SERINC5: variants seen among roughly 807,000 people sequenced by gnomAD.
The protein encoded by SERINC5 is serine incorporator 5.
SERINC5 carries 41 observed loss-of-function variants against 63.1 expected under a neutral mutation model. The observed-to-expected ratio is 0.65, with a 90% CI of 0.51 to 0.84. SERINC5 has a LOEUF of 0.84. Ranked by LOEUF, SERINC5 falls within the 40% of genes least tolerant of loss-of-function variation. The pLI is 0.00. For missense variants in SERINC5, 523 were observed against 573.0 expected (o/e 0.91, Z 0.89); for synonymous variants, 222 against 215.2 (o/e 1.03, Z -0.28).
At chr5:80,222,700 G>A (rs1357017569) in intron 1 of SERINC5, among the ~76,000 whole-genome samples, 6 of 151,964 alleles carry the variant, frequency 3.9e-5, no homozygotes, top group Non-Finnish European at 7.4e-5. Context: ...AGCCTCCCAA[G>A]TGGCTGGGAT....
chr5:80,137,160 A>AAAAC (rs1561356094), downstream of SERINC5, among the ~76,000 whole-genome samples: 3,344 of 96,084 alleles, frequency 0.035, 47 homozygotes, highest in Non-Finnish European at 0.05. Flanking sequence ...AAAAAAAAAA[A>AAAAC]AAACAAAAAA....
At chr5:80,133,471 T>G (rs191129545) in intron 11 of SERINC5, among the ~76,000 whole-genome samples, 2 of 152,178 alleles carry the variant, frequency 1.3e-5, no homozygotes, top group African/African-American at 4.8e-5. Context: ...TCATGCAGAG[T>G]GCTGAAAATG....
intron 11 of SERINC5, among the ~76,000 whole-genome samples, chr5:80,121,807 A>G (rs1339934304): frequency 6.6e-6 from 1 of 152,064 alleles, no homozygotes; most frequent in Non-Finnish European, 1.5e-5. Context: ...AGAGAGGGGG[A>G]GGAGATGCCA....
At chr5:80,137,436 C>T (rs990286962), downstream of SERINC5, among the ~76,000 whole-genome samples, 7 of 150,032 alleles carry the variant, frequency 4.7e-5, no homozygotes, top group African/African-American at 7.4e-5. Context: ...GTCAGGAGTT[C>T]GAGACCAGCC....
chr5:80,124,445 T>C (rs755655413), intron 11 of SERINC5, among the ~76,000 whole-genome samples: 15 of 152,208 alleles, frequency 9.9e-5, no homozygotes, highest in African/African-American at 3.1e-4. Context: ...AACCTCTCTA[T>C]AGTAGGCTTT....
chr5:80,218,638 G>T (rs1339013533), intron 1 of SERINC5, among the ~76,000 whole-genome samples: 2 of 150,602 alleles, frequency 1.3e-5, no homozygotes, highest in Non-Finnish European at 2.9e-5. Context: ...TCACGCCATT[G>T]CACTCCAGCC....
intron 11 of SERINC5, among the ~76,000 whole-genome samples, chr5:80,115,146 C>T (rs1390478332): frequency 6.6e-6 from 1 of 152,022 alleles, no homozygotes; most frequent in Non-Finnish European, 1.5e-5. Flanking sequence ...ACTATAGCGA[C>T]TGCTTTTACT....
downstream of SERINC5, among the ~76,000 whole-genome samples, chr5:80,111,238 G>T (rs1452676027): frequency 3.3e-5 from 5 of 152,192 alleles, no homozygotes; most frequent in Admixed American, 3.3e-4. Flanking sequence ...GAATTGAGGA[G>T]TCCTTTATTA....
intron 11 of SERINC5, among the ~76,000 whole-genome samples, chr5:80,128,748 A>G (rs1428248279): frequency 1.3e-5 from 2 of 152,216 alleles, no homozygotes; most frequent in East Asian, 3.8e-4. Context: ...TGTTCAATAA[A>G]CATTGGCTAT....
At chr5:80,134,384 G>A (rs1307293056), downstream of SERINC5, among the ~76,000 whole-genome samples, 2 of 152,176 alleles carry the variant, frequency 1.3e-5, no homozygotes, top group African/African-American at 2.4e-5. Context: ...TACTCAGGAG[G>A]CTGACGCAGG....
chr5:80,178,090 T>C (rs967906129), intron 2 of SERINC5, 26 bp from the exon 3 acceptor site: 7 of 1,538,394 alleles, frequency 4.6e-6, no homozygotes, highest in Non-Finnish European at 1.8e-6. Flanking sequence ...AGAAAAGTCA[T>C]CTGTTACAAC....
At chr5:80,153,850 A>G (rs1746344933) in intron 8 of SERINC5, among the ~76,000 whole-genome samples, 1 of 151,918 alleles carries the variant, frequency 6.6e-6, no homozygotes, top group South Asian at 2.1e-4. Flanking sequence ...TTCCCTGCAG[A>G]ACCACTACAG....
At chr5:80,183,498 C>G (rs1406448065) in intron 2 of SERINC5, among the ~76,000 whole-genome samples, 3 of 151,986 alleles carry the variant, frequency 2.0e-5, no homozygotes, top group Admixed American at 2.0e-4. Context: ...GTGACTTGCA[C>G]GTATCCCCTG....
At chr5:80,112,553 C>T (rs1334932148) in intron 12 of SERINC5, among the ~76,000 whole-genome samples, 2 of 152,140 alleles carry the variant, frequency 1.3e-5, no homozygotes, top group Non-Finnish European at 2.9e-5. Flanking sequence ...GCCCACTGTT[C>T]TTTCTCTATA....
intron 1 of SERINC5, among the ~76,000 whole-genome samples, chr5:80,241,115 G>A (rs546604233): frequency 1.3e-5 from 2 of 152,222 alleles, no homozygotes; most frequent in South Asian, 2.1e-4. Flanking sequence ...AATGATAAAA[G>A]TTTTGATGCT....
In SERINC5 at chr5:80,255,971, G is replaced by C. The variant is rs1398309258; in HGVS notation, c.-49C>G. The C allele has an allele frequency of 2.0e-6, 3 of 1,487,062 alleles. No individual in the cohort carries two copies. The highest frequency in any genetic ancestry group is 2.7e-6 in the Non-Finnish European group (3 of 1,125,366). The allele number at this position is 1,487,062 out of a possible 1,614,324, so 92.1% of individuals were successfully genotyped here. A position where few individuals can be genotyped will look rare whatever the true frequency, so the allele number is the denominator to read the frequency against. ...CGCTCGCTGGCTCCCCGCGCCGCAC[G>C]GGCCCTCCTGGCTGCCTCGCGCCTC... is the stretch of plus-strand genomic sequence containing the variant. On this transcript the variant is annotated 5_prime_UTR_variant, in exon 1 of 12. Transcript: ENST00000507668.
At chr5:80,238,103 C>CAAAAAAAAAAAA (rs759062486) in intron 1 of SERINC5, among the ~76,000 whole-genome samples, 4 of 65,554 alleles carry the variant, frequency 6.1e-5, no homozygotes, top group Non-Finnish European at 9.1e-5. Context: ...GACTCTGTCT[C>CAAAAAAAAAAAA]AAAAAAAAAA....
intron 1 of SERINC5, among the ~76,000 whole-genome samples, chr5:80,219,661 C>T (rs143740891): frequency 6.6e-5 from 10 of 152,302 alleles, no homozygotes; most frequent in South Asian, 4.1e-4. Flanking sequence ...GCACCAGCTG[C>T]CTCGATGGCA....
At chr5:80,216,587 G>A (rs1750674135) in intron 1 of SERINC5, among the ~76,000 whole-genome samples, 1 of 152,240 alleles carries the variant, frequency 6.6e-6, no homozygotes, top group Non-Finnish European at 1.5e-5. Context: ...GAACAGGGCT[G>A]AAAAGGTGAG....
Sources: allele counts gnomAD v4.1 joint callset (sites outside exome capture counted in the v4.1 genomes callset), GRCh38; gene constraint gnomAD v4.1.1; transcripts MANE v1.5; gene names NCBI Gene and HGNC (gene_info 2026-07-23, HGNC 2026-07-21).